Variants in CSNK1G1 observed in about 807,000 individuals in gnomAD.
The protein encoded by CSNK1G1 is casein kinase I isoform gamma-1.
A neutral mutation model predicts 59.6 loss-of-function variants in CSNK1G1; 22 were observed. The ratio of observed to expected loss-of-function variants is 0.37; its 90% CI spans 0.26 to 0.53. The LOEUF (loss-of-function observed/expected upper bound fraction) is 0.53, where lower values mean the gene tolerates loss of function less well. Among genes scored for constraint, CSNK1G1 ranks in the 20% least tolerant of loss-of-function variants. The pLI is 0.89. For missense variants in CSNK1G1, 384 were observed against 519.5 expected (o/e 0.74, Z 2.54); for synonymous variants, 179 against 177.1 (o/e 1.01, Z -0.08).
intron 4 of CSNK1G1, among the ~76,000 whole-genome samples, chr15:64,223,219 T>C (rs1358836892): frequency 3.3e-5 from 5 of 151,288 alleles, no homozygotes; most frequent in African/African-American, 1.2e-4. Flanking sequence ...GCTTATCAGC[T>C]GGGCTGCATT....
Position 64,300,376 on chromosome 15 carries a change from G to T in CSNK1G1, c.124C>A (p.Pro42Thr). Residue 42 changes from proline to threonine, a missense_variant, in exon 2 of 12, where the codon CCC becomes ACC. By Grantham distance (38) the Pro-to-Thr change is conservative (BLOSUM62 -1). This residue lies in a region of CSNK1G1 where 56 missense variants were observed against 60.8 expected (regional missense o/e 0.92). Transcript: ENST00000303052. Reference protein sequence around the residue: ...SSSSGVLMVGPNFRVGKKIGC... With the variant: ...SSSSGVLMVGTNFRVGKKIGC... Reference sequence around the variant, plus strand: ...ATCTTCTTGCCAACCCTGAAGTTGGGTCCCACCATAAGAACCCCAGAGGAC... The same window carrying T: ...ATCTTCTTGCCAACCCTGAAGTTGGTTCCCACCATAAGAACCCCAGAGGAC... 6.2e-7 allele frequency: 1 copy of T among 1,614,116 alleles called. No homozygotes were observed. Among genetic ancestry groups the T allele is most frequent in the East Asian group, 2.2e-5 (1 of 44,880 alleles).
chr15:64,274,099 C>T (rs1283707085), intron 2 of CSNK1G1, among the ~76,000 whole-genome samples: 3 of 152,130 alleles, frequency 2.0e-5, no homozygotes, highest in Non-Finnish European at 4.4e-5. Flanking sequence ...TGCTAGCTTG[C>T]GTTTACTTAA....
intron 4 of CSNK1G1, among the ~76,000 whole-genome samples, chr15:64,236,145 A>AAAAAAAAAAAAAAAAAAAAAAG (rs2082613046): frequency 8.3e-6 from 1 of 120,090 alleles, no homozygotes; most frequent in Non-Finnish European, 1.7e-5. Flanking sequence ...TCCATCTCAA[A>AAAAAAAAAAAAAAAAAAAAAAG]AAAAAAAAAA....
chr15:64,186,399 T>C (rs1436270513), intron 10 of CSNK1G1, among the ~76,000 whole-genome samples: 1 of 152,310 alleles, frequency 6.6e-6, no homozygotes, highest in East Asian at 1.9e-4. Flanking sequence ...GCATGAGCTA[T>C]TGCACACAGC....
Position 64,300,400 on chromosome 15 carries a change from ACGATGAGGAGCCAGATGGT to A in CSNK1G1, c.81_99del (p.Ser29LeufsTer16). On this transcript the variant is annotated frameshift_variant, in exon 2 of 12. Coordinates refer to ENST00000303052, the MANE Select transcript of CSNK1G1 (RefSeq NM_022048.5). LOFTEE classifies it high-confidence loss of function. ...GGTCCCACCATAAGAACCCCAGAGG[ACGATGAGGAGCCAGATGGT>A]CGAGAGCAGTGTGCACTCCTTTGTG... is the stretch of plus-strand genomic sequence containing the variant. 1 of 1,614,170 alleles carries A rather than the reference ACGATGAGGAGCCAGATGGT, an allele frequency of 6.2e-7. No individual in the cohort carries two copies. The highest frequency in any genetic ancestry group is 8.5e-7 in the Non-Finnish European group (1 of 1,180,030).
At chr15:64,247,101 CT>C (rs1891800303) in intron 4 of CSNK1G1, among the ~76,000 whole-genome samples, 1 of 152,206 alleles carries the variant, frequency 6.6e-6, no homozygotes, top group African/African-American at 2.4e-5. Context: ...TCCACCAAAT[CT>C]TGTTCCTGTG....
intron 2 of CSNK1G1, among the ~76,000 whole-genome samples, chr15:64,297,171 A>C (rs1182367535): frequency 6.6e-6 from 1 of 152,034 alleles, no homozygotes; most frequent in Non-Finnish European, 1.5e-5. Context: ...GGAAACATAC[A>C]TATGGTCATT....
intron 1 of CSNK1G1, among the ~76,000 whole-genome samples, chr15:64,325,943 C>T (rs1896813573): frequency 2.0e-5 from 3 of 152,162 alleles, no homozygotes; most frequent in African/African-American, 7.2e-5. Flanking sequence ...TCTTATATTA[C>T]ATCACACTTT....
chr15:64,300,928 T>A (rs1017230207), intron 1 of CSNK1G1, among the ~76,000 whole-genome samples: 2 of 152,178 alleles, frequency 1.3e-5, no homozygotes, highest in African/African-American at 2.4e-5. Flanking sequence ...CTGCAAACCA[T>A]AGAAGCTACA....
intron 1 of CSNK1G1, among the ~76,000 whole-genome samples, chr15:64,343,397 C>T (rs1357348766): frequency 6.6e-6 from 1 of 152,134 alleles, no homozygotes; most frequent in African/African-American, 2.4e-5. Context: ...AAATCAAACC[C>T]AGCCTTTAAG....
intron 2 of CSNK1G1, among the ~76,000 whole-genome samples, chr15:64,281,417 G>A (rs1894124780): frequency 6.6e-6 from 1 of 152,090 alleles, no homozygotes; most frequent in Admixed American, 6.6e-5. Flanking sequence ...ACCAGTCTGA[G>A]CAACATAGTG....
At chr15:64,265,943 G>T (rs1566925716) in intron 2 of CSNK1G1, 1 of 417,652 alleles carries the variant, frequency 2.4e-6, no homozygotes, top group Non-Finnish European at 4.8e-6. Flanking sequence ...AATTAGCCAG[G>T]TGTAGGGGTA....
intron 1 of CSNK1G1, among the ~76,000 whole-genome samples, chr15:64,339,784 G>A (rs1012957960): frequency 6.6e-6 from 1 of 152,180 alleles, no homozygotes; most frequent in African/African-American, 2.4e-5. Flanking sequence ...CCTTAAATAC[G>A]AATATTAAAT....
At chr15:64,312,157 T>C (rs1041795586) in intron 1 of CSNK1G1, among the ~76,000 whole-genome samples, 2 of 151,964 alleles carry the variant, frequency 1.3e-5, no homozygotes, top group African/African-American at 4.8e-5. Context: ...AGAATCAATA[T>C]CACGAAAATA....
intron 11 of CSNK1G1, among the ~76,000 whole-genome samples, chr15:64,172,271 C>T (rs745447069): frequency 1.3e-5 from 2 of 152,196 alleles, no homozygotes; most frequent in African/African-American, 2.4e-5. Flanking sequence ...GTGAAGAAGG[C>T]TCATAGTTTA....
In CSNK1G1 at chr15:64,216,982, T is replaced by C. The variant is rs2082320177; in HGVS notation, c.293-269A>G. ...CAAAAACATTTCCACTGCTATAAGATAGAGAATGGTCCCTGATCCATTGGA... is the reference window on the plus strand; with the variant it reads ...CAAAAACATTTCCACTGCTATAAGACAGAGAATGGTCCCTGATCCATTGGA... On this transcript the variant is annotated intron_variant, in intron 4 of 11. Coordinates refer to ENST00000303052, the MANE Select transcript of CSNK1G1 (RefSeq NM_022048.5). The surrounding 1 kb of genome is among the most constrained non-coding windows in gnomAD (Gnocchi z 4.6). 6.6e-6 allele frequency among the ~76,000 whole-genome samples: 1 copy of C among 152,206 alleles called. No individual in the cohort carries two copies. Among genetic ancestry groups the C allele is most frequent in the Admixed American group, 6.5e-5 (1 of 15,282 alleles).
At chr15:64,233,778 T>C (rs546468787) in intron 4 of CSNK1G1, among the ~76,000 whole-genome samples, 64 of 152,292 alleles carry the variant, frequency 4.2e-4, no homozygotes, top group Middle Eastern at 3.4e-3. Flanking sequence ...TGGAAATTCA[T>C]AGTATCACTA....
At chr15:64,229,120 A>G (rs1228726963) in intron 4 of CSNK1G1, among the ~76,000 whole-genome samples, 2 of 152,058 alleles carry the variant, frequency 1.3e-5, no homozygotes, top group Non-Finnish European at 2.9e-5. Flanking sequence ...GCTACATATT[A>G]ATAGTAGTAT....
chr15:64,189,649 T>C (rs2081943213), intron 10 of CSNK1G1, among the ~76,000 whole-genome samples: 1 of 152,102 alleles, frequency 6.6e-6, no homozygotes, highest in Non-Finnish European at 1.5e-5. Context: ...GCTATAAAAG[T>C]TGTATTCTAT....
Sources: gnomAD v4.1 joint callset for allele counts (sites outside exome capture counted in the v4.1 genomes callset) on GRCh38, gnomAD v4.1.1 for gene constraint, gnomAD v4.1.1 regional missense constraint, Gnocchi (gnomAD v3.1) non-coding constraint, MANE v1.5 for transcripts, NCBI Gene and HGNC (gene_info 2026-07-23, HGNC 2026-07-21) for gene names.